HS6ST2: variants seen among roughly 807,000 people sequenced by gnomAD.
HS6ST2 encodes the protein heparan-sulfate 6-O-sulfotransferase 2.
A neutral mutation model predicts 33.0 loss-of-function variants in HS6ST2; 17 were observed. That is an observed-to-expected ratio of 0.52 (90% confidence interval 0.35 to 0.77). The LOEUF (loss-of-function observed/expected upper bound fraction) is 0.77, where lower values mean the gene tolerates loss of function less well. HS6ST2 is among the 30% of genes least tolerant of loss of function. HS6ST2 has a pLI of 0.01. For synonymous variants in HS6ST2, 248 were observed against 237.1 expected, an observed-to-expected ratio of 1.05 and a Z score of -0.42; for missense variants, 519 against 551.7, an observed-to-expected ratio of 0.94 and a Z score of 0.59.
intron 2 of HS6ST2, among the ~76,000 whole-genome samples, chrX:132,949,869 C>T (rs1002346393): frequency 1.8e-5 from 2 of 110,642 alleles, no homozygotes; most frequent in African/African-American, 6.6e-5. Flanking sequence ...CTCGCTCGCT[C>T]GCTATCTTTT....
intron 4 of HS6ST2, among the ~76,000 whole-genome samples, chrX:132,666,421 C>G (rs2148199222): frequency 9.0e-6 from 1 of 111,724 alleles, no homozygotes; most frequent in African/African-American, 3.3e-5. Context: ...ATTTTAATTA[C>G]TACTACTATT....
chrX:132,889,508 G>A (rs1358701060), intron 2 of HS6ST2, among the ~76,000 whole-genome samples: 1 of 111,331 alleles, frequency 9.0e-6, no homozygotes, highest in African/African-American at 3.3e-5. Context: ...GGAATACCAA[G>A]AGCAGATTCT....
At chrX:132,634,772 G>A (rs1482039019) in intron 4 of HS6ST2, among the ~76,000 whole-genome samples, 1 of 111,868 alleles carries the variant, frequency 8.9e-6, no homozygotes, top group East Asian at 2.8e-4. Context: ...GGACAGCCCA[G>A]CCTTTGTTCC....
rs755477277 is a variant in HS6ST2 at position 132,957,748 on chromosome X, G to A, written c.429-422C>T. Among the ~76,000 whole-genome samples, 7 of 110,663 alleles carry A rather than the reference G, an allele frequency of 6.3e-5. No individual in the cohort carries two copies. The East Asian group carries it at 1.7e-3, about 28-fold the overall frequency. The stretch of plus-strand genomic sequence containing the variant: ...TGGCTCCCGCTCCCATCCCCATCCC[G>A]CTTCGTCCGCCGGACTCTCCGGGCT... On this transcript the variant is annotated intron_variant, in intron 1 of 4. Transcript: ENST00000370833.
chrX:132,789,204 G>A (rs2065094113), intron 2 of HS6ST2, among the ~76,000 whole-genome samples: 1 of 111,521 alleles, frequency 9.0e-6, no homozygotes, highest in African/African-American at 3.3e-5. Flanking sequence ...CTCTCGTTAG[G>A]AGCTAATGTA....
chrX:132,813,676 T>C (rs748593507), intron 2 of HS6ST2, among the ~76,000 whole-genome samples: 1 of 110,669 alleles, frequency 9.0e-6, no homozygotes, highest in African/African-American at 3.3e-5. Flanking sequence ...CCACATCAAA[T>C]TGGTCACATG....
At chrX:132,692,671 C>T (rs2064076051) in intron 3 of HS6ST2, among the ~76,000 whole-genome samples, 1 of 111,607 alleles carries the variant, frequency 9.0e-6, no homozygotes, top group Non-Finnish European at 1.9e-5. Flanking sequence ...TTCTCCTCTC[C>T]ACAAAATCCT....
At chrX:132,748,451 T>A (rs1602636193) in intron 2 of HS6ST2, among the ~76,000 whole-genome samples, 1 of 112,199 alleles carries the variant, frequency 8.9e-6, no homozygotes, top group South Asian at 3.7e-4. Context: ...CCACCACTGT[T>A]GCCACAATTT....
chrX:132,777,425 T>C (rs2064972403), intron 2 of HS6ST2, among the ~76,000 whole-genome samples: 1 of 109,005 alleles, frequency 9.2e-6, no homozygotes, highest in Non-Finnish European at 1.9e-5. Context: ...ATCACTTTTA[T>C]TTTATTTTAT....
In HS6ST2 at chrX:132,904,312, A is replaced by G. The variant is rs995545588; in HGVS notation, c.947+52496T>C. On this transcript the variant is annotated intron_variant, in intron 2 of 4. Coordinates refer to ENST00000370833, the MANE Select transcript of HS6ST2 (RefSeq NM_001394073.1). ...AGCCTCGTGTGTTGTTTAGCATTCC[A>G]TTGTATGAATATATCATAAGTTGCC... is the stretch of plus-strand genomic sequence containing the variant. 7.2e-5 allele frequency among the ~76,000 whole-genome samples: 8 copies of G among 110,976 alleles called. No individual in the cohort carries two copies. In the Admixed American group the frequency reaches 7.7e-4, roughly 11 times the overall value.
At chrX:132,755,995 C>A (rs1276422229) in intron 2 of HS6ST2, among the ~76,000 whole-genome samples, 1 of 111,555 alleles carries the variant, frequency 9.0e-6, no homozygotes, top group Admixed American at 9.5e-5. Flanking sequence ...TCTTCCTGGG[C>A]AATGGAATCT....
intron 4 of HS6ST2, among the ~76,000 whole-genome samples, chrX:132,650,772 T>TCTC (rs10693295): frequency 4.0e-5 from 4 of 99,611 alleles, no homozygotes; most frequent in Non-Finnish European, 8.3e-5. Flanking sequence ...TCTCTCTCTC[T>TCTC]TCTTTTTTGT....
At chrX:132,833,245 T>G (rs1041284085) in intron 2 of HS6ST2, among the ~76,000 whole-genome samples, 1 of 111,576 alleles carries the variant, frequency 9.0e-6, no homozygotes, top group African/African-American at 3.3e-5. Flanking sequence ...GATCTGTTAA[T>G]GTTGTGTTGG....
intron 2 of HS6ST2, among the ~76,000 whole-genome samples, chrX:132,854,278 C>G (rs770324341): frequency 2.8e-4 from 31 of 112,498 alleles, no homozygotes; most frequent in African/African-American, 9.3e-4. Flanking sequence ...GACTTAATTA[C>G]TTTTCATCTG....
chrX:132,804,269 T>C (rs1281723309), intron 2 of HS6ST2, among the ~76,000 whole-genome samples: 1 of 111,707 alleles, frequency 9.0e-6, no homozygotes, highest in East Asian at 2.8e-4. Context: ...TTGTCTCTTG[T>C]TGGCCATATC....
chrX:132,660,317 T>C (rs2063762204), intron 4 of HS6ST2, among the ~76,000 whole-genome samples: 1 of 111,170 alleles, frequency 9.0e-6, no homozygotes, highest in South Asian at 3.8e-4. Context: ...TTTCTTCTTA[T>C]AAGTGAAGAA....
At chrX:132,860,244 G>T (rs758906271) in intron 2 of HS6ST2, among the ~76,000 whole-genome samples, 1 of 112,030 alleles carries the variant, frequency 8.9e-6, no homozygotes, top group Non-Finnish European at 1.9e-5. Flanking sequence ...CATATTGTCA[G>T]TCTGTAGTTG....
chrX:132,844,754 T>TC (rs1370199171), intron 2 of HS6ST2, among the ~76,000 whole-genome samples: 2 of 111,607 alleles, frequency 1.8e-5, no homozygotes, highest in African/African-American at 3.3e-5. Flanking sequence ...CAGAGCCATA[T>TC]TTTTAGGTCA....
At chrX:132,913,706 T>C (rs141723681) in intron 2 of HS6ST2, among the ~76,000 whole-genome samples, 1,528 of 112,330 alleles carry the variant, frequency 0.014, 19 homozygotes, top group Admixed American at 0.019. Context: ...AAAGTTACAC[T>C]GAAAAATCCT....
Sources: gnomAD v4.1 joint callset for allele counts (sites outside exome capture counted in the v4.1 genomes callset) on GRCh38, gnomAD v4.1.1 for gene constraint, MANE v1.5 for transcripts, NCBI Gene and HGNC (gene_info 2026-07-23, HGNC 2026-07-21) for gene names.